The following TENM4 variants were observed in gnomAD, a reference collection of about 807,000 sequenced individuals.
The protein encoded by TENM4 is teneurin transmembrane protein 4, also known as teneurin-4.
A neutral mutation model predicts 243.3 loss-of-function variants in TENM4; 82 were observed. That is an observed-to-expected ratio of 0.34 (90% CI 0.28 to 0.40). The LOEUF (loss-of-function observed/expected upper bound fraction) is 0.40. TENM4 is among the 10% of genes least tolerant of loss of function. The pLI is 1.00. For synonymous variants in TENM4, 1,412 were observed against 1,456.3 expected (o/e 0.97, Z 0.69); for missense variants, 3,138 against 3,673.3 (o/e 0.85, Z 3.77).
chr11:79,369,101 A>C (rs979741640), intron 1 of TENM4, among the ~76,000 whole-genome samples: 1 of 152,208 alleles, frequency 6.6e-6, no homozygotes, highest in African/African-American at 2.4e-5. Context: ...CCCCAGACAA[A>C]AAAAGAACAG....
chr11:79,403,879 A>G (rs993981203), intron 1 of TENM4, among the ~76,000 whole-genome samples: 2 of 152,198 alleles, frequency 1.3e-5, no homozygotes, highest in African/African-American at 4.8e-5. Flanking sequence ...ACTCACAATG[A>G]TCACCCTTTC....
chr11:78,885,595 C>T (rs563672173), intron 9 of TENM4, among the ~76,000 whole-genome samples: 43 of 152,328 alleles, frequency 2.8e-4, no homozygotes, highest in Admixed American at 4.6e-4. Context: ...TCCCTGGTGG[C>T]ACAAGTTTCT....
At chr11:79,315,042 G>A (rs535642364) in intron 1 of TENM4, among the ~76,000 whole-genome samples, 25 of 152,350 alleles carry the variant, frequency 1.6e-4, no homozygotes, top group African/African-American at 5.8e-4. Flanking sequence ...GAGGGTGGTA[G>A]GAACACAGAT....
intron 19 of TENM4, among the ~76,000 whole-genome samples, chr11:78,749,650 C>T (rs952555153): frequency 6.6e-6 from 1 of 152,182 alleles, no homozygotes; most frequent in Non-Finnish European, 1.5e-5. Context: ...AATCACATTG[C>T]ATACATGGTC....
intron 7 of TENM4, among the ~76,000 whole-genome samples, chr11:78,897,938 G>A (rs1285117703): frequency 6.6e-6 from 1 of 152,192 alleles, no homozygotes; most frequent in East Asian, 1.9e-4. Flanking sequence ...GATGAGATGA[G>A]CTGGAGCCAA....
chr11:79,181,983 C>A (rs1416304677), intron 3 of TENM4, among the ~76,000 whole-genome samples: 1 of 148,974 alleles, frequency 6.7e-6, no homozygotes, highest in African/African-American at 2.5e-5. Context: ...CGTTTATAAA[C>A]AGGAAGACTC....
chr11:79,163,404 C>CT (rs995409189), intron 3 of TENM4, among the ~76,000 whole-genome samples: 2 of 151,330 alleles, frequency 1.3e-5, no homozygotes, highest in South Asian at 2.1e-4. Flanking sequence ...GCCTGCCGAA[C>CT]TTTTTTTTTA....
At chr11:78,969,366 G>A (rs1330019524) in intron 6 of TENM4, among the ~76,000 whole-genome samples, 1 of 152,212 alleles carries the variant, frequency 6.6e-6, no homozygotes, top group Non-Finnish European at 1.5e-5. Context: ...ACATCCTTGT[G>A]TGAATCGGTG....
intron 6 of TENM4, among the ~76,000 whole-genome samples, chr11:79,027,949 G>T (rs1019376814): frequency 6.6e-6 from 1 of 152,122 alleles, no homozygotes; most frequent in Non-Finnish European, 1.5e-5. Context: ...AGCTCAGTTG[G>T]GTTCACTCAC....
At chr11:79,125,126 C>T (rs1861846819) in intron 4 of TENM4, among the ~76,000 whole-genome samples, 4 of 151,848 alleles carry the variant, frequency 2.6e-5, no homozygotes, top group Admixed American at 2.6e-4. Flanking sequence ...CACTGATAGT[C>T]CTTGGTGTGA....
At chr11:79,041,150 G>A (rs1229810167) in intron 6 of TENM4, among the ~76,000 whole-genome samples, 2 of 150,998 alleles carry the variant, frequency 1.3e-5, no homozygotes, top group African/African-American at 2.4e-5. Context: ...TGCAACCTCC[G>A]CCTCCCGGGT....
At chr11:79,404,900 G>C (rs1161447063) in intron 1 of TENM4, among the ~76,000 whole-genome samples, 1 of 152,070 alleles carries the variant, frequency 6.6e-6, no homozygotes, top group African/African-American at 2.4e-5. Flanking sequence ...CAAAATAGTA[G>C]ACAAAGAGGA....
chr11:78,888,754 G>C (rs879549429), intron 9 of TENM4, among the ~76,000 whole-genome samples: 4 of 152,144 alleles, frequency 2.6e-5, no homozygotes, highest in Non-Finnish European at 4.4e-5. Context: ...TTCTATTTCT[G>C]TTTACTGGGC....
intron 16 of TENM4, among the ~76,000 whole-genome samples, chr11:78,783,987 C>T (rs886964479): frequency 1.1e-4 from 17 of 152,132 alleles, no homozygotes; most frequent in Non-Finnish European, 4.4e-5. Flanking sequence ...TTCCTGTTTA[C>T]GCAGGTCGGC....
At chr11:78,892,353 C>T (rs1281457162) in intron 7 of TENM4, among the ~76,000 whole-genome samples, 1 of 152,188 alleles carries the variant, frequency 6.6e-6, no homozygotes, top group East Asian at 1.9e-4. Context: ...CTGTTGCATG[C>T]ACCCAAGAAA....
intron 6 of TENM4, among the ~76,000 whole-genome samples, chr11:79,023,153 G>T (rs1273433211): frequency 6.6e-6 from 1 of 152,016 alleles, no homozygotes; most frequent in African/African-American, 2.4e-5. Context: ...ATGTTTACTT[G>T]GTCTCAGATA....
At chr11:78,801,062 T>A (rs913182683) in intron 15 of TENM4, among the ~76,000 whole-genome samples, 3 of 152,136 alleles carry the variant, frequency 2.0e-5, no homozygotes, top group Non-Finnish European at 2.9e-5. Context: ...TTTGTTACTC[T>A]ATCCTGTGGC....
At chr11:78,867,403 A>G (rs560786293) in intron 9 of TENM4, among the ~76,000 whole-genome samples, 2 of 152,212 alleles carry the variant, frequency 1.3e-5, no homozygotes, top group African/African-American at 2.4e-5. Flanking sequence ...CTGTGATCCA[A>G]GGTTTTAAAT....
intron 24 of TENM4, among the ~76,000 whole-genome samples, chr11:78,721,164 T>C (rs1466221743): frequency 6.6e-6 from 1 of 152,204 alleles, no homozygotes; most frequent in African/African-American, 2.4e-5. Flanking sequence ...GGTCCATATA[T>C]GCAGTTGACT....
Sources: allele counts gnomAD v4.1 joint callset (sites outside exome capture counted in the v4.1 genomes callset), GRCh38; gene constraint gnomAD v4.1.1; transcripts MANE v1.5; gene names NCBI Gene and HGNC (gene_info 2026-07-23, HGNC 2026-07-21).